The following NRXN3 variants were observed in gnomAD, a reference collection of about 807,000 sequenced individuals.
NRXN3 encodes the protein neurexin III.
A neutral mutation model predicts 137.6 loss-of-function variants in NRXN3; 32 were observed. The ratio of observed to expected loss-of-function variants is 0.23; its 90% CI spans 0.18 to 0.31. The LOEUF (loss-of-function observed/expected upper bound fraction) is 0.31. NRXN3 is among the 10% of genes least tolerant of loss of function. The probability of loss-of-function intolerance (pLI) is 1.00; values close to 1 mark genes in which losing one functional copy is unlikely to be tolerated. For missense variants in NRXN3, 1,574 were observed against 2,062.5 expected (o/e 0.76, Z 4.59); for synonymous variants, 798 against 784.5 (o/e 1.02, Z -0.29).
intron 15 of NRXN3, among the ~76,000 whole-genome samples, chr14:79,424,152 A>G (rs2095621125): frequency 6.6e-6 from 1 of 152,228 alleles, no homozygotes; most frequent in Admixed American, 6.5e-5. Flanking sequence ...TTTATAAAAC[A>G]TATAGTTATT....
intron 15 of NRXN3, among the ~76,000 whole-genome samples, chr14:79,266,083 A>T (rs2153417237): frequency 6.6e-6 from 1 of 152,298 alleles, no homozygotes; most frequent in Admixed American, 6.5e-5. Flanking sequence ...TAAAATTTTT[A>T]AAAGGCACCT....
rs73339469 is a variant in NRXN3, at chr14:79,456,952, A to G, written c.3263-10269A>G. Among the ~76,000 whole-genome samples the G allele has an allele frequency of 3.6e-3, 554 of 152,130 alleles. 4 individuals carry two copies. The highest frequency in any genetic ancestry group is 0.013 in the African/African-American group (525 of 41,498). On this transcript the variant is annotated intron_variant, in intron 15 of 20. Transcript: ENST00000335750. The stretch of plus-strand genomic sequence containing the variant: ...TTGATTTTCTCATGACTTTCTCCCC[A>G]TAAGCAGAAATGTGGCCACGGCAGC...
intron 1 of NRXN3, among the ~76,000 whole-genome samples, chr14:78,206,121 G>C (rs1208950970): frequency 7.9e-5 from 12 of 152,216 alleles, no homozygotes; most frequent in Non-Finnish European, 4.4e-5. Context: ...TACCTGTGGG[G>C]CACAAAAGTG....
chr14:78,220,506 G>T (rs941401653), intron 1 of NRXN3, among the ~76,000 whole-genome samples: 1 of 152,182 alleles, frequency 6.6e-6, no homozygotes, highest in Non-Finnish European at 1.5e-5. Flanking sequence ...AGGGACATGT[G>T]GGGGCAGAAG....
At chr14:79,529,526 G>T (rs2097151348) in intron 16 of NRXN3, among the ~76,000 whole-genome samples, 1 of 152,202 alleles carries the variant, frequency 6.6e-6, no homozygotes, top group South Asian at 2.1e-4. Context: ...CACCACATAT[G>T]TGAGAAAAGA....
chr14:79,689,964 C>T (rs1043928787), intron 17 of NRXN3, among the ~76,000 whole-genome samples: 8 of 152,112 alleles, frequency 5.3e-5, no homozygotes, highest in Admixed American at 2.0e-4. Flanking sequence ...TACTTGCTAT[C>T]GACTACACCA....
intron 4 of NRXN3, among the ~76,000 whole-genome samples, chr14:78,473,875 T>C (rs1410728076): frequency 6.6e-6 from 1 of 152,220 alleles, no homozygotes; most frequent in African/African-American, 2.4e-5. Flanking sequence ...GTCCTAATTA[T>C]GAGGCAGATG....
chr14:79,087,450 G>T (rs1411893864), intron 15 of NRXN3, among the ~76,000 whole-genome samples: 1 of 152,050 alleles, frequency 6.6e-6, no homozygotes, highest in Admixed American at 6.6e-5. Flanking sequence ...ATTCTAAAGG[G>T]GAAAGTACAT....
At chr14:78,210,826 T>C (rs1382048989) in intron 1 of NRXN3, among the ~76,000 whole-genome samples, 1 of 152,142 alleles carries the variant, frequency 6.6e-6, no homozygotes, top group Admixed American at 6.5e-5. Flanking sequence ...GCAGCCGTGG[T>C]AAATCTGATT....
chr14:79,419,251 A>G (rs1246254900), intron 15 of NRXN3, among the ~76,000 whole-genome samples: 1 of 152,172 alleles, frequency 6.6e-6, no homozygotes, highest in Non-Finnish European at 1.5e-5. Context: ...TGGTCAGGGT[A>G]GAGAGCTGGT....
At chr14:78,357,428 A>G (rs796595906) in intron 4 of NRXN3, among the ~76,000 whole-genome samples, 42 of 152,194 alleles carry the variant, frequency 2.8e-4, no homozygotes, top group African/African-American at 8.7e-4. Flanking sequence ...ATTCTAGATG[A>G]GATTTGGATG....
chr14:78,189,245 T>C (rs2060499581), intron 1 of NRXN3, among the ~76,000 whole-genome samples: 1 of 152,208 alleles, frequency 6.6e-6, no homozygotes, highest in African/African-American at 2.4e-5. Context: ...ATGTCTGCAG[T>C]GACCTCCTTA....
At chr14:79,759,026 C>T (rs531239617) in intron 19 of NRXN3, among the ~76,000 whole-genome samples, 13 of 152,212 alleles carry the variant, frequency 8.5e-5, no homozygotes, top group African/African-American at 2.9e-4. Flanking sequence ...GAAATCAGCT[C>T]TTGGAGGAAA....
chr14:78,917,842 G>T (rs570590666), intron 10 of NRXN3, among the ~76,000 whole-genome samples: 2 of 152,190 alleles, frequency 1.3e-5, no homozygotes, highest in East Asian at 3.9e-4. Context: ...GACTTGGTGG[G>T]ATGCTCTTCA....
intron 15 of NRXN3, among the ~76,000 whole-genome samples, chr14:79,066,274 G>A (rs1296777973): frequency 6.6e-6 from 1 of 152,076 alleles, no homozygotes; most frequent in East Asian, 1.9e-4. Context: ...GTTTTTGTCA[G>A]ATTTGTCAAA....
chr14:79,611,372 G>T (rs926204939), intron 16 of NRXN3: 3 of 152,308 alleles, frequency 2.0e-5, no homozygotes, highest in African/African-American at 7.2e-5. Context: ...GGCCAAGGCG[G>T]GCGGATCACA....
chr14:78,408,233 C>A (rs557454454), intron 4 of NRXN3, among the ~76,000 whole-genome samples: 1 of 152,234 alleles, frequency 6.6e-6, no homozygotes, highest in East Asian at 1.9e-4. Flanking sequence ...CTCATTTTAC[C>A]ATCCTCATTT....
chr14:78,818,018 A>G (rs901367837), intron 10 of NRXN3, among the ~76,000 whole-genome samples: 6 of 152,110 alleles, frequency 3.9e-5, no homozygotes, highest in African/African-American at 1.4e-4. Context: ...ATAGGCAAAT[A>G]CCCAGCCAAT....
intron 1 of NRXN3, among the ~76,000 whole-genome samples, chr14:78,209,239 T>A (rs530827544): frequency 1.8e-3 from 278 of 152,106 alleles, no homozygotes; most frequent in African/African-American, 6.2e-3. Flanking sequence ...CTGTGCCAGC[T>A]GTGGGAAGAA....
Sources: gnomAD v4.1 joint callset for allele counts (sites outside exome capture counted in the v4.1 genomes callset) on GRCh38, gnomAD v4.1.1 for gene constraint, MANE v1.5 for transcripts, NCBI Gene and HGNC (gene_info 2026-07-23, HGNC 2026-07-21) for gene names.